Variants in GUCY1A2 observed in about 807,000 individuals in gnomAD.
GUCY1A2 encodes guanylate cyclase soluble subunit alpha-2.
Under a neutral mutation model 63.5 loss-of-function variants are expected in GUCY1A2, and 27 were observed. The observed-to-expected ratio is 0.43, with a 90% CI of 0.31 to 0.59. GUCY1A2 has a LOEUF of 0.59. Ranked by LOEUF, GUCY1A2 falls within the 20% of genes least tolerant of loss-of-function variation. The pLI, the probability that GUCY1A2 is intolerant of heterozygous loss-of-function variation, is 0.11. For missense variants in GUCY1A2, 768 were observed against 913.3 expected (o/e 0.84, Z 2.05); for synonymous variants, 364 against 343.5 (o/e 1.06, Z -0.66).
At chr11:106,836,460 C>G (rs1247573613) in intron 4 of GUCY1A2, among the ~76,000 whole-genome samples, 1 of 151,942 alleles carries the variant, frequency 6.6e-6, no homozygotes, top group Non-Finnish European at 1.5e-5. Flanking sequence ...AAATGACAGG[C>G]AACTGCAGCT....
chr11:106,967,188 C>A (rs145616298), intron 3 of GUCY1A2, among the ~76,000 whole-genome samples: 1 of 152,256 alleles, frequency 6.6e-6, no homozygotes, highest in African/African-American at 2.4e-5. Context: ...GCTGAAATCC[C>A]TTGATATCTT....
At chr11:106,851,370 C>T (rs111898047) in intron 4 of GUCY1A2, among the ~76,000 whole-genome samples, 5 of 151,744 alleles carry the variant, frequency 3.3e-5, no homozygotes, top group Admixed American at 2.0e-4. Context: ...TCCCATTTAC[C>T]TATATTTCTT....
intron 4 of GUCY1A2, among the ~76,000 whole-genome samples, chr11:106,916,622 T>C (rs1366690963): frequency 6.9e-6 from 1 of 145,638 alleles, no homozygotes; most frequent in Non-Finnish European, 1.5e-5. Flanking sequence ...CATAGATATA[T>C]ATGTATTTTT....
At chr11:106,775,965 C>A (rs1224766984) in intron 6 of GUCY1A2, among the ~76,000 whole-genome samples, 1 of 152,154 alleles carries the variant, frequency 6.6e-6, no homozygotes, top group African/African-American at 2.4e-5. Context: ...TTTTCACAGG[C>A]TGCAATCTTC....
intron 1 of GUCY1A2, among the ~76,000 whole-genome samples, chr11:106,987,477 C>T (rs190111949): frequency 1.3e-5 from 2 of 152,176 alleles, no homozygotes; most frequent in Admixed American, 6.5e-5. Flanking sequence ...TTGGTGAAAC[C>T]CTGTCTCTAC....
chr11:106,782,756 A>C (rs1864486965), intron 5 of GUCY1A2, among the ~76,000 whole-genome samples: 1 of 131,786 alleles, frequency 7.6e-6, no homozygotes, highest in Non-Finnish European at 1.6e-5. Context: ...GTTGGCCAGG[A>C]AACACAAACA....
Position 106,678,004 on chromosome 11 carries a change from TA to T in GUCY1A2, c.*9544del, listed in dbSNP as rs1434300594. The T allele has an allele frequency of 4.9e-6, 1 of 202,034 alleles. No individual in the cohort carries two copies. The highest frequency in any genetic ancestry group is 2.3e-5 in the African/African-American group (1 of 43,600). 12.5% of individuals were successfully genotyped at this position (202,034 alleles called of 1,614,324 possible). A position where few individuals can be genotyped will look rare whatever the true frequency, so the allele number is the denominator to read the frequency against. On this transcript the variant is annotated 3_prime_UTR_variant, in exon 8 of 8. Coordinates refer to ENST00000526355, the MANE Select transcript of GUCY1A2 (RefSeq NM_000855.3). ...TCAGGTCATTGAGTTATATAACAAA[TA>T]AATGAATTTTATGAGTGCCTGGTGA...
chr11:106,968,011 A>C (rs1861147878), intron 3 of GUCY1A2, among the ~76,000 whole-genome samples: 1 of 152,178 alleles, frequency 6.6e-6, no homozygotes, highest in Non-Finnish European at 1.5e-5. Context: ...ATAAGACAGA[A>C]AGAAACACAG....
intron 3 of GUCY1A2, among the ~76,000 whole-genome samples, chr11:106,948,831 A>G (rs721625): frequency 0.37 from 55,760 of 151,820 alleles, 10,966 homozygotes; most frequent in Non-Finnish European, 0.45. Flanking sequence ...GGCACTAGCC[A>G]TCTGGAAAAC....
intron 3 of GUCY1A2, among the ~76,000 whole-genome samples, chr11:106,945,026 G>A (rs1218518069): frequency 1.3e-5 from 2 of 151,914 alleles, no homozygotes; most frequent in Admixed American, 6.6e-5. Flanking sequence ...ATGAATTACA[G>A]AGAGAATTTC....
intron 4 of GUCY1A2, among the ~76,000 whole-genome samples, chr11:106,820,092 CCTTG>C (rs1177156391): frequency 5.9e-5 from 9 of 151,956 alleles, no homozygotes; most frequent in African/African-American, 9.7e-5. Flanking sequence ...TATTTGTTTT[CCTTG>C]CTTATTTGTT....
intron 3 of GUCY1A2, among the ~76,000 whole-genome samples, chr11:106,958,116 A>G (rs1015663267): frequency 6.6e-6 from 1 of 152,158 alleles, no homozygotes; most frequent in Non-Finnish European, 1.5e-5. Context: ...TTCACAAGCA[A>G]TGCTAATACT....
In GUCY1A2 at chr11:106,800,142, T is replaced by C. The variant is rs568942207; in HGVS notation, c.1692+9851A>G. On this transcript the variant is annotated intron_variant, in intron 5 of 7. Coordinates refer to ENST00000526355, the MANE Select transcript of GUCY1A2 (RefSeq NM_000855.3). ...GCCAACAGACACATGAAAAAATGCT[T>C]ATCATCACTGGCCATCAGAGAAATG... Among the ~76,000 whole-genome samples the C allele has an allele frequency of 9.2e-5, 14 of 152,216 alleles. No homozygotes were observed. In the East Asian group the frequency reaches 1.2e-3, roughly 13 times the overall value.
At chr11:106,813,195 C>T (rs1858787455) in intron 4 of GUCY1A2, among the ~76,000 whole-genome samples, 1 of 151,814 alleles carries the variant, frequency 6.6e-6, no homozygotes, top group East Asian at 1.9e-4. Context: ...TGAGATAGCA[C>T]AGAAGACATA....
intron 4 of GUCY1A2, among the ~76,000 whole-genome samples, chr11:106,853,544 A>G (rs1859384870): frequency 6.6e-6 from 1 of 152,002 alleles, no homozygotes. Context: ...TTCAGGCCAT[A>G]AATTATTTTT....
intron 5 of GUCY1A2, among the ~76,000 whole-genome samples, chr11:106,794,953 T>C: frequency 6.6e-6 from 1 of 152,158 alleles, no homozygotes; most frequent in East Asian, 1.9e-4. Flanking sequence ...TAACTCCAGA[T>C]GGAGTCAATT....
At chr11:107,010,651 C>G (rs1258429854) in intron 1 of GUCY1A2, among the ~76,000 whole-genome samples, 1 of 150,342 alleles carries the variant, frequency 6.7e-6, no homozygotes, top group Non-Finnish European at 1.5e-5. Flanking sequence ...AATATACCAC[C>G]AAAAAAAAAT....
chr11:106,764,422 T>A (rs1864122548), intron 6 of GUCY1A2, among the ~76,000 whole-genome samples: 1 of 152,104 alleles, frequency 6.6e-6, no homozygotes, highest in South Asian at 2.1e-4. Flanking sequence ...CAATTCCGAA[T>A]CAATTCTTAC....
intron 4 of GUCY1A2, among the ~76,000 whole-genome samples, chr11:106,850,081 T>A (rs1202509299): frequency 6.6e-6 from 1 of 151,736 alleles, no homozygotes; most frequent in African/African-American, 2.4e-5. Flanking sequence ...GGCAAACTAC[T>A]AATCTAGTCT....
Sources: allele counts gnomAD v4.1 joint callset (sites outside exome capture counted in the v4.1 genomes callset), GRCh38; gene constraint gnomAD v4.1.1; transcripts MANE v1.5; gene names NCBI Gene and HGNC (gene_info 2026-07-23, HGNC 2026-07-21).